The following LRFN5 variants were observed in gnomAD, a reference collection of about 807,000 sequenced individuals.
LRFN5 encodes the protein leucine-rich repeat and fibronectin type-III domain-containing protein 5.
In LRFN5, 24 loss-of-function variants were observed where a neutral mutation model predicts 45.6. The observed-to-expected ratio is 0.53, with a 90% confidence interval of 0.38 to 0.74. The LOEUF (loss-of-function observed/expected upper bound fraction) is 0.74. Among genes scored for constraint, LRFN5 ranks in the 30% least tolerant of loss-of-function variants. The probability of loss-of-function intolerance (pLI) is 0.00; values close to 1 mark genes in which losing one functional copy is unlikely to be tolerated. For synonymous variants in LRFN5, 340 were observed against 313.8 expected, an observed-to-expected ratio of 1.08 and a Z score of -0.88; for missense variants, 776 against 861.5, an observed-to-expected ratio of 0.90 and a Z score of 1.24.
intron 2 of LRFN5, among the ~76,000 whole-genome samples, chr14:41,847,828 G>T (rs1369197512): frequency 2.6e-5 from 4 of 151,980 alleles, no homozygotes; most frequent in Non-Finnish European, 5.9e-5. Context: ...AGATAACAAT[G>T]AAAGGAACAT....
At chr14:41,766,681 A>C (rs972808326) in intron 1 of LRFN5, among the ~76,000 whole-genome samples, 173 bp from the exon 2 acceptor site, 1 of 152,344 alleles carries the variant, frequency 6.6e-6, no homozygotes. Context: ...AAATCACAGT[A>C]TGTTGCACAT....
At chr14:41,739,553 G>A (rs1884599384) in intron 1 of LRFN5, among the ~76,000 whole-genome samples, 1 of 151,592 alleles carries the variant, frequency 6.6e-6, no homozygotes, top group African/African-American at 2.4e-5. Flanking sequence ...AAACTTATGG[G>A]ATACAGCAAA....
At chr14:41,806,899 C>T (rs903277158) in intron 2 of LRFN5, among the ~76,000 whole-genome samples, 1 of 152,210 alleles carries the variant, frequency 6.6e-6, no homozygotes. Context: ...ATTGCAGCAG[C>T]CTGGGAATCT....
Position 41,887,260 on chromosome 14 carries a change from C to A in LRFN5, c.635C>A (p.Pro212His), listed in dbSNP as rs769433757. ...VTSNKLQKLP[P>H]DPLFQRAQVL... ...TCAAATAAATTGCAGAAGCTACCAC[C>A]TGACCCTCTCTTTCAGCGAGCTCAG... Residue 212 changes from proline (P) to histidine (H), a missense_variant, in exon 3 of 6, where the codon CCT (proline) becomes CAT (histidine). This residue lies in a region of LRFN5 where 311 missense variants were observed against 405.1 expected (regional missense o/e 0.77). Transcript: ENST00000298119. This position sits in a 1 kb window ranked among gnomAD's most constrained non-coding sequence, Gnocchi z 4.8. 6.8e-6 allele frequency: 11 copies of A among 1,614,224 alleles called. No individual in the cohort carries two copies. The highest frequency in any genetic ancestry group is 8.5e-6 in the Non-Finnish European group (10 of 1,180,040).
chr14:41,803,429 G>C (rs1320901229), intron 2 of LRFN5, among the ~76,000 whole-genome samples: 1 of 151,824 alleles, frequency 6.6e-6, no homozygotes, highest in Non-Finnish European at 1.5e-5. Flanking sequence ...ATACCTCGCT[G>C]CCGCCTCAAA....
intron 1 of LRFN5, among the ~76,000 whole-genome samples, chr14:41,704,410 CT>C (rs1566628772): frequency 1.1e-5 from 1 of 93,112 alleles, no homozygotes; most frequent in Non-Finnish European, 2.1e-5. Context: ...TTATACTTTT[CT>C]CTCTCTCTCT....
chr14:41,731,717 A>G (rs1343420573), intron 1 of LRFN5: 2 of 152,184 alleles, frequency 1.3e-5, no homozygotes, highest in Non-Finnish European at 2.9e-5. Context: ...TTGAAAAAAT[A>G]TAAATTTGAT....
chr14:41,706,857 C>T (rs1482660503), intron 1 of LRFN5, among the ~76,000 whole-genome samples: 1 of 152,142 alleles, frequency 6.6e-6, no homozygotes, highest in Admixed American at 6.5e-5. Context: ...TAGATGTTAG[C>T]AGTGCCTATA....
intron 1 of LRFN5, among the ~76,000 whole-genome samples, chr14:41,750,792 A>C (rs1395509377): frequency 6.6e-6 from 1 of 152,148 alleles, no homozygotes; most frequent in Non-Finnish European, 1.5e-5. Flanking sequence ...ACAAGGTGGC[A>C]GAAGAGAGCA....
chr14:41,621,916 A>G (rs983753631), intron 1 of LRFN5, among the ~76,000 whole-genome samples: 6 of 152,130 alleles, frequency 3.9e-5, no homozygotes, highest in Non-Finnish European at 7.4e-5. Context: ...GAGAAAGACC[A>G]TGAAAGAGAG....
intron 1 of LRFN5, among the ~76,000 whole-genome samples, chr14:41,653,766 T>TA (rs1038289942): frequency 6.6e-6 from 1 of 152,006 alleles, no homozygotes; most frequent in African/African-American, 2.4e-5. Flanking sequence ...TCTATAGTGC[T>TA]ACAGGGAAGA....
intron 4 of LRFN5, among the ~76,000 whole-genome samples, chr14:41,897,168 T>G (rs1262937031): frequency 1.3e-5 from 2 of 151,664 alleles, no homozygotes; most frequent in Non-Finnish European, 1.5e-5. Context: ...ATTGTTTTGA[T>G]TGAGCCATCC....
At chr14:41,755,964 G>A (rs1423839957) in intron 1 of LRFN5, among the ~76,000 whole-genome samples, 1 of 152,140 alleles carries the variant, frequency 6.6e-6, no homozygotes, top group South Asian at 2.1e-4. Flanking sequence ...AGGCCTGGCG[G>A]TGAGAAAATC....
chr14:41,829,345 A>T (rs985114240), intron 2 of LRFN5, among the ~76,000 whole-genome samples: 1 of 151,906 alleles, frequency 6.6e-6, no homozygotes, highest in Non-Finnish European at 1.5e-5. Flanking sequence ...CACAGAGATC[A>T]TGAGTACTCA....
intron 2 of LRFN5, among the ~76,000 whole-genome samples, chr14:41,828,780 C>T (rs1446554223): frequency 6.6e-6 from 1 of 151,896 alleles, no homozygotes; most frequent in African/African-American, 2.4e-5. Context: ...TTATAACTTT[C>T]TCCAATCTCA....
At chr14:41,849,070 G>T (rs1889172445) in intron 2 of LRFN5, among the ~76,000 whole-genome samples, 1 of 152,022 alleles carries the variant, frequency 6.6e-6, no homozygotes, top group Admixed American at 6.6e-5. Context: ...TTGCGCTGAT[G>T]TGATCTCCAT....
At chr14:41,859,815 A>C (rs1009176078) in intron 2 of LRFN5, among the ~76,000 whole-genome samples, 1 of 152,150 alleles carries the variant, frequency 6.6e-6, no homozygotes, top group Non-Finnish European at 1.5e-5. Flanking sequence ...GTTATACCTT[A>C]ATACTCTCTC....
At chr14:41,682,043 C>T (rs893910513) in intron 1 of LRFN5, among the ~76,000 whole-genome samples, 7 of 150,522 alleles carry the variant, frequency 4.7e-5, no homozygotes, top group Non-Finnish European at 8.9e-5. Context: ...GTCTAGAACT[C>T]CTGACCTCAA....
chr14:41,683,361 C>T (rs1161257826), intron 1 of LRFN5, among the ~76,000 whole-genome samples: 1 of 152,124 alleles, frequency 6.6e-6, no homozygotes, highest in African/African-American at 2.4e-5. Flanking sequence ...CAGCTAGTAT[C>T]ATACTGAGTG....
Sources: gnomAD v4.1 joint callset for allele counts (sites outside exome capture counted in the v4.1 genomes callset) on GRCh38, gnomAD v4.1.1 for gene constraint, gnomAD v4.1.1 regional missense constraint, Gnocchi (gnomAD v3.1) non-coding constraint, MANE v1.5 for transcripts, NCBI Gene and HGNC (gene_info 2026-07-23, HGNC 2026-07-21) for gene names.